DNMT3B: variants seen among roughly 807,000 people sequenced by gnomAD.
DNMT3B encodes DNA (cytosine-5)-methyltransferase 3B.
A neutral mutation model predicts 120.2 loss-of-function variants in DNMT3B; 37 were observed. The observed-to-expected ratio is 0.31, with a 90% CI of 0.24 to 0.40. DNMT3B has a LOEUF of 0.40. Among genes scored for constraint, DNMT3B ranks in the 10% least tolerant of loss-of-function variants. The probability of loss-of-function intolerance (pLI) is 1.00; values close to 1 mark genes in which losing one functional copy is unlikely to be tolerated. For missense variants in DNMT3B, 878 were observed against 1,137.3 expected (o/e 0.77, Z 3.28); for synonymous variants, 412 against 442.8 (o/e 0.93, Z 0.87).
intron 20 of DNMT3B, among the ~76,000 whole-genome samples, chr20:32,803,351 A>C (rs1279148994): frequency 6.6e-6 from 1 of 152,252 alleles, no homozygotes; most frequent in Non-Finnish European, 1.5e-5. Flanking sequence ...TGGAAACATA[A>C]TAACCTTCTG....
At chr20:32,801,562 G>C (rs957765597) in intron 19 of DNMT3B, 136 bp downstream of exon 19, 2 of 1,164,646 alleles carry the variant, frequency 1.7e-6, no homozygotes, top group African/African-American at 3.1e-5. Flanking sequence ...AATAGTGAGG[G>C]ATTCAGTGGG....
In DNMT3B at chr20:32,795,425, A is replaced by C. The variant is rs1157629152; in HGVS notation, c.1143A>C (p.Arg381Ser). The C allele has an allele frequency of 6.2e-7, 1 of 1,614,078 alleles. No individual in the cohort carries two copies. The highest frequency in any genetic ancestry group is 1.3e-5 in the African/African-American group (1 of 75,018). The change falls in exon 11 of 23, where the codon AGA becomes AGC. Residue 381 changes from arginine to serine, a missense_variant. Coordinates refer to ENST00000328111, the MANE Select transcript of DNMT3B (RefSeq NM_006892.4). ...ESRKYENKTR[R>S]RTADDSATSD... ...CTTTCACAGAGAACAAGACTCGAAG[A>C]CGCACAGCTGACGACTCAGCCACCT...
intron 7 of DNMT3B, among the ~76,000 whole-genome samples, chr20:32,789,998 T>TGG (rs1979779845): frequency 6.6e-6 from 1 of 152,120 alleles, no homozygotes; most frequent in Non-Finnish European, 1.5e-5. Flanking sequence ...GTGCCTAAGG[T>TGG]CATTGGGCAA....
Position 32,765,750 on chromosome 20 carries a change from C to CTTTTTT in DNMT3B, c.-7+3053_-7+3058dup, listed in dbSNP as rs1208508674. ...TTATTTATTTATTTATTTATTTTTT[C>CTTTTTT]TTTTTTTCTTTTTTTTTTTTTTTGA... On this transcript the variant is annotated intron_variant, in intron 1 of 22. Transcript: ENST00000328111. Among the ~76,000 whole-genome samples the CTTTTTT allele has an allele frequency of 1.0e-4, 11 of 108,434 alleles. 1 individual carries two copies. The highest frequency in any genetic ancestry group is 6.4e-4 in the East Asian group (2 of 3,122). The allele number at this position is 108,434 out of a possible 152,430, so 71.1% of individuals were successfully genotyped here.
chr20:32,799,193 G>A, intron 15 of DNMT3B, 51 bp from the exon 16 acceptor site: 1 of 1,578,220 alleles, frequency 6.3e-7, no homozygotes, highest in Non-Finnish European at 8.6e-7. Flanking sequence ...CTCAGAGCTT[G>A]AGTCTTTGCC....
chr20:32,771,860 A>G lies in DNMT3B; in HGVS notation c.-6-8458A>G, dbSNP rs189869534. ...AACCTGAGTGGCCTAATTCAAATAA[A>G]TGTTTCTCAGACAGGCGAGTTATGT... On this transcript the variant is annotated intron_variant, in intron 1 of 22. Coordinates refer to ENST00000328111, the MANE Select transcript of DNMT3B (RefSeq NM_006892.4). 2.6e-4 allele frequency among the ~76,000 whole-genome samples: 39 copies of G among 152,224 alleles called. 1 individual carries two copies. Among genetic ancestry groups the G allele is most frequent in the Middle Eastern group, 3.4e-3 (1 of 294 alleles).
chr20:32,795,121 G>A (rs1472855520), intron 10 of DNMT3B, among the ~76,000 whole-genome samples: 2 of 152,216 alleles, frequency 1.3e-5, no homozygotes, highest in Non-Finnish European at 2.9e-5. Context: ...GGGTATGCCA[G>A]GCTTTTAGCT....
At chr20:32,787,495 G>T in intron 6 of DNMT3B, 44 bp downstream of exon 6, 1 of 1,585,712 alleles carries the variant, frequency 6.3e-7, no homozygotes, top group South Asian at 1.1e-5. Context: ...TGAGGACCCT[G>T]AACACGGGGA....
Position 32,784,760 on chromosome 20 carries a change from C to G in DNMT3B, c.207C>G (p.Asp69Glu). Residue 69 changes from aspartate to glutamate, a missense_variant and splice_region_variant, in exon 4 of 23, where the codon GAC becomes GAG. Asp to Glu is a conservative substitution (Grantham distance 45, BLOSUM62 2). This residue lies in a region of DNMT3B where 287 missense variants were observed against 306.2 expected (regional missense o/e 0.94). Transcript: ENST00000328111. ...EVSSLLSYTQ[D>E]LTGDGDGEDG... is the part of the protein sequence containing the mutation. Reference sequence around the variant, plus strand: ...GTTCATCATGTTTCCTTATAAAGGACTTGACAGGCGATGGCGACGGGGAAG... The same window carrying G: ...GTTCATCATGTTTCCTTATAAAGGAGTTGACAGGCGATGGCGACGGGGAAG... 6.2e-7 allele frequency: 1 copy of G among 1,614,132 alleles called. No homozygotes were observed. The highest frequency in any genetic ancestry group is 8.5e-7 in the Non-Finnish European group (1 of 1,180,014).
At position 32,798,452 on chromosome 20, in the gene DNMT3B, G is replaced by A; in HGVS notation, c.1491-8G>A. The A allele has an allele frequency of 6.2e-7, 1 of 1,614,208 alleles. No individual in the cohort carries two copies. The highest frequency in any genetic ancestry group is 8.5e-7 in the Non-Finnish European group (1 of 1,180,042). ...AAAGGCATCCCTTCTCCCTGCCACT[G>A]GGTCCAGGTGTTTCTGTGTGGAGTG... On this transcript the variant is annotated splice_region_variant and splice_polypyrimidine_tract_variant and intron_variant, in intron 14 of 22. Coordinates refer to ENST00000328111, the MANE Select transcript of DNMT3B (RefSeq NM_006892.4).
At chr20:32,782,091 C>G (rs538971491) in intron 3 of DNMT3B, among the ~76,000 whole-genome samples, 2 of 151,970 alleles carry the variant, frequency 1.3e-5, no homozygotes, top group African/African-American at 2.4e-5. Context: ...ATCTTCCAGC[C>G]GTGAAATCAT....
intron 6 of DNMT3B, 133 bp from the exon 7 acceptor site, chr20:32,788,721 G>GA (rs1401381684): frequency 8.5e-7 from 1 of 1,172,336 alleles, no homozygotes; most frequent in African/African-American, 1.5e-5. Flanking sequence ...TTACAGGCAT[G>GA]AACCACGGTG....
chr20:32,784,656 G>A (rs941962313), intron 3 of DNMT3B, 102 bp from the exon 4 acceptor site: 56 of 1,304,858 alleles, frequency 4.3e-5, no homozygotes, highest in Non-Finnish European at 6.1e-5. Flanking sequence ...CGGTCTCCCT[G>A]CCAGGCACAG....
At chr20:32,794,128 G>T (rs138694104) in intron 10 of DNMT3B, among the ~76,000 whole-genome samples, 1 of 152,166 alleles carries the variant, frequency 6.6e-6, no homozygotes, top group East Asian at 1.9e-4. Context: ...GGACGCTGAG[G>T]TGGGCAGATT....
intron 7 of DNMT3B, 105 bp downstream of exon 7, chr20:32,789,117 T>G: frequency 6.6e-7 from 1 of 1,508,382 alleles, no homozygotes. Context: ...TGTGTGAGCC[T>G]ATGCCTTCAC....
chr20:32,792,628 A>G lies in DNMT3B; in HGVS notation c.924A>G (p.Lys308=), dbSNP rs747782702. The stretch of plus-strand genomic sequence containing the variant: ...CATCACAGACTCTGCCTTTGCAGAA[A>G]GCTAGGGTGCGAGCTGGCAAGACCT... ...YRKAMYHALE[K]ARVRAGKTFP... is the part of the protein sequence containing the mutation. The change falls in exon 9 of 23, where the codon AAA becomes AAG. Residue 308 remains lysine, a splice_region_variant and synonymous_variant. Transcript: ENST00000328111. 1.9e-6 allele frequency: 3 copies of G among 1,614,232 alleles called. No homozygotes were observed. In the Admixed American group the frequency reaches 5.0e-5, roughly 27 times the overall value.
At chr20:32,771,144 G>A (rs1297982258) in intron 1 of DNMT3B, among the ~76,000 whole-genome samples, 1 of 152,140 alleles carries the variant, frequency 6.6e-6, no homozygotes, top group African/African-American at 2.4e-5. Context: ...TTCTGGTTAC[G>A]ATAGAAATAA....
At chr20:32,786,682 C>T in intron 5 of DNMT3B, 55 bp downstream of exon 5, 12 of 1,611,010 alleles carry the variant, frequency 7.4e-6, no homozygotes, top group Non-Finnish European at 9.3e-6. Flanking sequence ...GGGAGATATG[C>T]CTCACTCACT....
Position 32,807,750 on chromosome 20 carries a change from CG to C in DNMT3B, c.2421-10del. ...CTTCTGACTTGCTGTCTTTTCACTC[CG>C]GTACCCCCAGGATCTTTGGCTTTCC... On this transcript the variant is annotated splice_polypyrimidine_tract_variant and intron_variant, in intron 22 of 22. Coordinates refer to ENST00000328111, the MANE Select transcript of DNMT3B (RefSeq NM_006892.4). 1 of 1,613,920 alleles carries C rather than the reference CG, an allele frequency of 6.2e-7. No individual in the cohort carries two copies. Among genetic ancestry groups the C allele is most frequent in the Non-Finnish European group, 8.5e-7 (1 of 1,180,018 alleles).
Sources: gnomAD v4.1 joint callset for allele counts (sites outside exome capture counted in the v4.1 genomes callset) on GRCh38, gnomAD v4.1.1 for gene constraint, gnomAD v4.1.1 regional missense constraint, MANE v1.5 for transcripts, NCBI Gene and HGNC (gene_info 2026-07-23, HGNC 2026-07-21) for gene names.